The following CFAP299 variants were observed in gnomAD, a reference collection of about 807,000 sequenced individuals.
The protein encoded by CFAP299 is cilia- and flagella-associated protein 299.
CFAP299 carries 21 observed loss-of-function variants against 27.0 expected under a neutral mutation model. The observed-to-expected ratio is 0.78, with a 90% CI of 0.55 to 1.12. CFAP299 has a LOEUF of 1.12. Among genes scored for constraint, CFAP299 ranks in the 50% most tolerant of loss-of-function variants. The pLI is 0.00. For synonymous variants in CFAP299, 104 were observed against 98.1 expected, an observed-to-expected ratio of 1.06 and a Z score of -0.36; for missense variants, 310 against 276.6, an observed-to-expected ratio of 1.12 and a Z score of -0.86.
chr4:80,411,625 T>C (rs950122309), intron 2 of CFAP299, among the ~76,000 whole-genome samples: 7 of 152,028 alleles, frequency 4.6e-5, no homozygotes, highest in African/African-American at 1.7e-4. Flanking sequence ...TTATGCACTA[T>C]TGATTTGTTA....
intron 3 of CFAP299, among the ~76,000 whole-genome samples, chr4:80,655,784 A>G (rs77560018): frequency 0.015 from 2,225 of 152,272 alleles, 45 homozygotes; most frequent in Admixed American, 0.059. Flanking sequence ...AATTATAAAC[A>G]TGGGGCCCCA....
At chr4:80,837,447 C>T (rs1397422653) in intron 3 of CFAP299, among the ~76,000 whole-genome samples, 1 of 152,100 alleles carries the variant, frequency 6.6e-6, no homozygotes, top group Non-Finnish European at 1.5e-5. Flanking sequence ...CCCCCCAACC[C>T]CCGACAGGCC....
chr4:80,891,685 C>T (rs1005622643), intron 4 of CFAP299, among the ~76,000 whole-genome samples: 3 of 110,112 alleles, frequency 2.7e-5, no homozygotes, highest in African/African-American at 1.1e-4. Context: ...TTAGTGGGTG[C>T]AGCGCACCAG....
chr4:80,647,082 G>C (rs1380650930), intron 3 of CFAP299, among the ~76,000 whole-genome samples: 2 of 151,760 alleles, frequency 1.3e-5, no homozygotes, highest in African/African-American at 4.8e-5. Context: ...ATAAGATTTA[G>C]ATATAGATAA....
chr4:80,429,383 T>G (rs1727695031), intron 2 of CFAP299, among the ~76,000 whole-genome samples: 1 of 152,190 alleles, frequency 6.6e-6, no homozygotes, highest in South Asian at 2.1e-4. Flanking sequence ...GTAAGATATA[T>G]CTTATGTATC....
intron 3 of CFAP299, among the ~76,000 whole-genome samples, chr4:80,825,443 A>G (rs771992732): frequency 1.1e-4 from 16 of 152,048 alleles, no homozygotes; most frequent in Non-Finnish European, 2.4e-4. Flanking sequence ...CCTGAGACAC[A>G]TTGTAATCAA....
intron 2 of CFAP299, among the ~76,000 whole-genome samples, chr4:80,536,102 G>A (rs1244381043): frequency 2.0e-5 from 3 of 152,108 alleles, no homozygotes; most frequent in African/African-American, 4.8e-5. Context: ...TAATTTTGAG[G>A]CTTAAGAAAA....
intron 2 of CFAP299, chr4:80,386,501 G>C (rs1459149478): frequency 6.1e-6 from 9 of 1,486,162 alleles, no homozygotes; most frequent in Non-Finnish European, 8.0e-6. Context: ...CCCTCTTCTC[G>C]CGGGCGGTGG....
chr4:80,795,127 G>T (rs1727780423), intron 3 of CFAP299, among the ~76,000 whole-genome samples: 1 of 152,116 alleles, frequency 6.6e-6, no homozygotes, highest in Non-Finnish European at 1.5e-5. Context: ...CCCTGCTGAG[G>T]TCACCCATTG....
chr4:80,595,580 A>G (rs976715180), intron 3 of CFAP299, among the ~76,000 whole-genome samples: 2 of 152,202 alleles, frequency 1.3e-5, no homozygotes, highest in Non-Finnish European at 1.5e-5. Context: ...AATGCTCTGC[A>G]TCTTATTGGA....
chr4:80,920,815 A>T (rs950042015), intron 4 of CFAP299, among the ~76,000 whole-genome samples: 3 of 152,084 alleles, frequency 2.0e-5, no homozygotes, highest in African/African-American at 7.2e-5. Flanking sequence ...AGTAAGGGTG[A>T]GGATTTTTAT....
chr4:80,700,530 G>T (rs1043186538), intron 3 of CFAP299, among the ~76,000 whole-genome samples: 1 of 152,000 alleles, frequency 6.6e-6, no homozygotes, highest in Non-Finnish European at 1.5e-5. Context: ...AGGGCCACTC[G>T]TGTATCTAAG....
chr4:80,885,759 C>T (rs1733940448), intron 4 of CFAP299, among the ~76,000 whole-genome samples: 1 of 152,176 alleles, frequency 6.6e-6, no homozygotes, highest in African/African-American at 2.4e-5. Context: ...CTGAGAAGTT[C>T]TGACTTCAGG....
At chr4:80,496,923 C>T (rs1191435898) in intron 2 of CFAP299, among the ~76,000 whole-genome samples, 2 of 152,076 alleles carry the variant, frequency 1.3e-5, no homozygotes, top group African/African-American at 4.8e-5. Context: ...GTAGGTGCCA[C>T]AGTTTTAAAT....
chr4:80,725,737 G>A (rs182522548), intron 3 of CFAP299, among the ~76,000 whole-genome samples: 8 of 152,306 alleles, frequency 5.3e-5, no homozygotes, highest in Non-Finnish European at 1.0e-4. Flanking sequence ...CAGACCTTCC[G>A]TATTGTAGGT....
intron 2 of CFAP299, among the ~76,000 whole-genome samples, chr4:80,393,182 A>G (rs1490001425): frequency 6.6e-6 from 1 of 152,188 alleles, no homozygotes; most frequent in African/African-American, 2.4e-5. Flanking sequence ...AAAAATGCCT[A>G]TAGAATCAGG....
rs34162187 is a variant in CFAP299 at position 80,891,765 on chromosome 4, T to TAA, written c.476+21640_476+21641dup. ...ATGTACCCTAAAACTTAGAGTATAA[T>TAA]AAAAAAAAAAATTAAAAAAAAAATA... On this transcript the variant is annotated intron_variant, in intron 4 of 5. Transcript: ENST00000358105. Among the ~76,000 whole-genome samples the TAA allele has an allele frequency of 3.4e-3, 201 of 59,058 alleles. 3 individuals carry two copies. The highest frequency in any genetic ancestry group is 0.016 in the South Asian group (23 of 1,458). The allele number at this position is 59,058 out of a possible 152,430, so 38.7% of individuals were successfully genotyped here.
intron 2 of CFAP299, among the ~76,000 whole-genome samples, chr4:80,573,575 G>A (rs941885655): frequency 6.6e-6 from 1 of 151,990 alleles, no homozygotes; most frequent in Non-Finnish European, 1.5e-5. Flanking sequence ...GTGTTTTCTT[G>A]TAGTAGTTTC....
chr4:80,816,762 T>C (rs1190936214), intron 3 of CFAP299, among the ~76,000 whole-genome samples: 1 of 152,038 alleles, frequency 6.6e-6, no homozygotes, highest in African/African-American at 2.4e-5. Context: ...TCCAATGTTT[T>C]AGCTTCCCTG....
Sources: gnomAD v4.1 joint callset for allele counts (sites outside exome capture counted in the v4.1 genomes callset) on GRCh38, gnomAD v4.1.1 for gene constraint, MANE v1.5 for transcripts, NCBI Gene and HGNC (gene_info 2026-07-23, HGNC 2026-07-21) for gene names.